The following LIMCH1 variants were observed in gnomAD, a reference collection of about 807,000 sequenced individuals.
The protein encoded by LIMCH1 is LIM and calponin homology domains-containing protein 1.
In LIMCH1, 113 loss-of-function variants were observed where a neutral mutation model predicts 176.5. The observed-to-expected ratio is 0.64, with a 90% CI of 0.55 to 0.75. The LOEUF (loss-of-function observed/expected upper bound fraction) is 0.75. LIMCH1 is among the 30% of genes least tolerant of loss of function. LIMCH1 has a pLI of 0.00. For missense variants in LIMCH1, 1,674 were observed against 1,814.9 expected (o/e 0.92, Z 1.41); for synonymous variants, 619 against 645.9 (o/e 0.96, Z 0.63).
chr4:41,623,270 C>A (rs916144442), intron 7 of LIMCH1, among the ~76,000 whole-genome samples: 1 of 152,138 alleles, frequency 6.6e-6, no homozygotes, highest in Non-Finnish European at 1.5e-5. Flanking sequence ...TCTTTGACAT[C>A]CAGATGAATT....
chr4:41,511,135 GTGTCCCTC>G (rs1324360757), intron 2 of LIMCH1, among the ~76,000 whole-genome samples: 2 of 152,240 alleles, frequency 1.3e-5, no homozygotes, highest in Non-Finnish European at 2.9e-5. Flanking sequence ...CTAGAACGTG[GTGTCCCTC>G]TGTCTGGGTG....
intron 2 of LIMCH1, among the ~76,000 whole-genome samples, chr4:41,503,347 T>C (rs1040600822): frequency 6.6e-6 from 1 of 152,112 alleles, no homozygotes; most frequent in Non-Finnish European, 1.5e-5. Flanking sequence ...ACCCTACAAC[T>C]GCCCTACTAT....
At chr4:41,583,783 CT>C (rs544573341) in intron 1 of LIMCH1, among the ~76,000 whole-genome samples, 198 of 132,748 alleles carry the variant, frequency 1.5e-3, no homozygotes, top group Admixed American at 1.7e-3. Context: ...CTCTCTCTCT[CT>C]TTTTTTTTTT....
chr4:41,612,918 T>G (rs1370628120), intron 4 of LIMCH1: 43 of 1,463,678 alleles, frequency 2.9e-5, no homozygotes, highest in Non-Finnish European at 3.7e-5. Context: ...GGAATTTCCC[T>G]TCAAGGTAGC....
chr4:41,495,545 G>A (rs958524513), intron 2 of LIMCH1, among the ~76,000 whole-genome samples: 6 of 152,012 alleles, frequency 3.9e-5, no homozygotes, highest in African/African-American at 1.5e-4. Flanking sequence ...TCCTGTTTTT[G>A]GCAACTTTCA....
At chr4:41,581,982 A>G (rs745362130) in intron 1 of LIMCH1, among the ~76,000 whole-genome samples, 10 of 152,110 alleles carry the variant, frequency 6.6e-5, no homozygotes, top group Non-Finnish European at 1.5e-4. Context: ...GTGAATATAT[A>G]TGTCAGATTT....
At position 41,618,679 on chromosome 4, in the gene LIMCH1, C is replaced by A. The variant is rs1263015065; in HGVS notation, c.206-509C>A. ...GGTATAATCCGAATTGATCACTTTT[C>A]TGAGTTTCTGTTGTTCTACATCTGT... On this transcript the variant is annotated intron_variant, in intron 5 of 31. Transcript: ENST00000503057. 2.6e-5 allele frequency among the ~76,000 whole-genome samples: 4 copies of A among 152,188 alleles called. No individual in the cohort carries two copies. The East Asian group carries it at 5.8e-4, about 22-fold the overall frequency.
chr4:41,497,015 A>G lies in LIMCH1; in HGVS notation c.167+2409A>G, dbSNP rs981473926. Among the ~76,000 whole-genome samples the G allele has an allele frequency of 9.9e-5, 15 of 152,234 alleles. 1 individual carries two copies. The highest frequency in any genetic ancestry group is 3.6e-4 in the African/African-American group (15 of 41,472). The stretch of plus-strand genomic sequence containing the variant: ...ATATGAGGACTCTCTACAATTTCAA[A>G]TTTTGAAAACTAAGCAGTTTGGCTC... On this transcript the variant is annotated intron_variant, in intron 2 of 26. Coordinates refer to the LIMCH1 transcript ENST00000313860.
At chr4:41,626,679 T>C in intron 7 of LIMCH1, 29 bp from the exon 8 acceptor site, 1 of 1,522,804 alleles carries the variant, frequency 6.6e-7, no homozygotes, top group Non-Finnish European at 8.8e-7. Flanking sequence ...TGATCACATG[T>C]GGAGTCCCAT....
intron 1 of LIMCH1, among the ~76,000 whole-genome samples, chr4:41,392,777 A>G (rs1581440549): frequency 8.6e-6 from 1 of 116,506 alleles, no homozygotes; most frequent in Non-Finnish European, 1.6e-5. Context: ...TACCCCTGTC[A>G]TCCCAGCCTG....
chr4:41,681,695 A>G (rs2153046799), intron 25 of LIMCH1, among the ~76,000 whole-genome samples: 1 of 152,256 alleles, frequency 6.6e-6, no homozygotes, highest in Middle Eastern at 3.4e-3. Flanking sequence ...AATAATAAAA[A>G]AAACTAATGC....
rs952535738 is a variant in LIMCH1, at chr4:41,388,868, C to T, written c.96+27932C>T. On this transcript the variant is annotated intron_variant, in intron 1 of 26. Coordinates refer to the LIMCH1 transcript ENST00000313860. ...ATGTTGACCAGGCTGGTCTCGAACTCCAGACCTCAGGTGATCCACCCGCCT... is the reference window on the plus strand; with the variant it reads ...ATGTTGACCAGGCTGGTCTCGAACTTCAGACCTCAGGTGATCCACCCGCCT... 7.9e-5 allele frequency among the ~76,000 whole-genome samples: 12 copies of T among 152,322 alleles called. No homozygotes were observed. In the South Asian group the frequency reaches 2.5e-3, roughly 32 times the overall value.
chr4:41,644,386 A>C, intron 14 of LIMCH1, 114 bp from the exon 15 acceptor site: 22 of 1,279,300 alleles, frequency 1.7e-5, no homozygotes, highest in East Asian at 9.2e-5. Context: ...CAGCCCGGGA[A>C]GGGGGCAGTT....
At chr4:41,440,743 A>T (rs886804230) in intron 1 of LIMCH1, among the ~76,000 whole-genome samples, 2 of 152,052 alleles carry the variant, frequency 1.3e-5, no homozygotes, top group Non-Finnish European at 2.9e-5. Flanking sequence ...ATGTTGGCCA[A>T]CCTGGTCTCG....
intron 4 of LIMCH1, chr4:41,613,033 A>G (rs145705049): frequency 5.8e-6 from 9 of 1,551,960 alleles, no homozygotes; most frequent in Non-Finnish European, 7.8e-6. Flanking sequence ...CAAAAGTTGC[A>G]CAGCTAAACC....
intron 1 of LIMCH1, among the ~76,000 whole-genome samples, chr4:41,554,266 C>G (rs1377785979): frequency 6.6e-6 from 1 of 152,114 alleles, no homozygotes; most frequent in Non-Finnish European, 1.5e-5. Context: ...GAGTGTAAAA[C>G]AAGTGTTCAT....
chr4:41,669,455 C>T (rs758824257), intron 21 of LIMCH1, among the ~76,000 whole-genome samples: 3 of 151,596 alleles, frequency 2.0e-5, no homozygotes, highest in Non-Finnish European at 4.4e-5. Context: ...GTTCTCAAAC[C>T]CTGTGTGCCA....
intron 1 of LIMCH1, among the ~76,000 whole-genome samples, chr4:41,434,735 T>A (rs947433243): frequency 4.6e-5 from 7 of 152,226 alleles, no homozygotes. Context: ...CAGGCTGGTC[T>A]TGGACTCCTG....
chr4:41,467,296 A>G (rs1449470281), intron 1 of LIMCH1, among the ~76,000 whole-genome samples: 2 of 152,062 alleles, frequency 1.3e-5, no homozygotes, highest in Admixed American at 1.3e-4. Context: ...ATTAGTGTGC[A>G]AGTATCTCTT....
Sources: allele counts gnomAD v4.1 joint callset (sites outside exome capture counted in the v4.1 genomes callset), GRCh38; gene constraint gnomAD v4.1.1; transcripts MANE v1.5; gene names NCBI Gene and HGNC (gene_info 2026-07-23, HGNC 2026-07-21).